Variants in INSR observed in about 807,000 individuals in gnomAD.
INSR encodes the protein IR.
INSR carries 67 observed loss-of-function variants against 142.6 expected under a neutral mutation model. The observed-to-expected ratio is 0.47, with a 90% CI of 0.39 to 0.58. INSR has a LOEUF of 0.58. INSR is among the 20% of genes least tolerant of loss of function. The pLI is 0.00. For missense variants in INSR, 1,248 were observed against 1,833.2 expected, an observed-to-expected ratio of 0.68 and a Z score of 5.83; for synonymous variants, 756 against 743.1, an observed-to-expected ratio of 1.02 and a Z score of -0.28.
At chr19:7,140,484 G>A (rs1973042056) in intron 13 of INSR, among the ~76,000 whole-genome samples, 1 of 151,966 alleles carries the variant, frequency 6.6e-6, no homozygotes, top group Non-Finnish European at 1.5e-5. Flanking sequence ...AGACCTTTAT[G>A]GTAAAAAAAA....
rs1208730008 is a variant in INSR at position 7,166,081 on chromosome 19, C to T, written c.1861+73G>A. The T allele has an allele frequency of 1.3e-6, 2 of 1,558,230 alleles. No homozygotes were observed. The highest frequency in any genetic ancestry group is 2.7e-5 in the African/African-American group (2 of 73,260). On this transcript the variant is annotated intron_variant, in intron 8 of 21. Coordinates refer to ENST00000302850, the MANE Select transcript of INSR (RefSeq NM_000208.4). This position sits in a 1 kb window ranked among gnomAD's most constrained non-coding sequence, Gnocchi z 4.1. ...CCATATCAAGGAGCATTTTATACAA[C>T]CTCACTGCATCAGCCTATTAAAAGC...
At chr19:7,231,826 A>G (rs2145128378) in intron 2 of INSR, among the ~76,000 whole-genome samples, 1 of 148,696 alleles carries the variant, frequency 6.7e-6, no homozygotes, top group South Asian at 2.1e-4. Flanking sequence ...TGCCCAGGCT[A>G]TTCTTGAACT....
chr19:7,206,021 G>A (rs1182357238), intron 2 of INSR, among the ~76,000 whole-genome samples: 1 of 152,164 alleles, frequency 6.6e-6, no homozygotes, highest in African/African-American at 2.4e-5. Context: ...TGCTTTCTGT[G>A]CCTCGGTTTC....
chr19:7,195,927 CTTT>C (rs76192685), intron 2 of INSR, among the ~76,000 whole-genome samples: 16,680 of 99,820 alleles, frequency 0.17, 1,093 homozygotes, highest in African/African-American at 0.31. Flanking sequence ...TCTTTCTTTT[CTTT>C]CTTTTTTTTT....
chr19:7,154,586 G>A lies in INSR; in HGVS notation c.2030-1659C>T, dbSNP rs145458763. Among the ~76,000 whole-genome samples, 29 of 150,886 alleles carry A rather than the reference G, an allele frequency of 1.9e-4. No homozygotes were observed. The East Asian group carries it at 5.7e-3, about 29-fold the overall frequency. ...CAAAGTGCTGGGATTACAGGCGTGA[G>A]CCACTGCACCCGGCCCACAATTACT... On this transcript the variant is annotated intron_variant, in intron 9 of 21. Transcript: ENST00000302850.
In INSR at chr19:7,174,624, G is replaced by C; in HGVS notation, c.1082C>G (p.Thr361Ser). The change falls in exon 4 of 22, where the codon ACC (threonine) becomes AGC (serine). Residue 361 changes from threonine (T) to serine (S), a missense_variant. By Grantham distance (58) the Thr-to-Ser change is moderately conservative (BLOSUM62 1). This residue lies in a region of INSR where 1,069 missense variants were observed against 1,654.0 expected (regional missense o/e 0.65). Transcript: ENST00000302850. ...VTSAQELRGC[T>S]VINGSLIINI... is the part of the protein sequence containing the mutation. ...GATGATCAGACTCCCGTTGATGACG[G>C]TGCATCCTCGGAGCTCCTGGGCAGA... The C allele has an allele frequency of 6.2e-7, 1 of 1,614,032 alleles. No individual in the cohort carries two copies. The highest frequency in any genetic ancestry group is 8.5e-7 in the Non-Finnish European group (1 of 1,179,998).
At chr19:7,193,744 C>T (rs1362445797) in intron 2 of INSR, among the ~76,000 whole-genome samples, 1 of 152,074 alleles carries the variant, frequency 6.6e-6, no homozygotes, top group Non-Finnish European at 1.5e-5. Flanking sequence ...GGCTGGAGTG[C>T]AGTGGCATGA....
intron 1 of INSR, among the ~76,000 whole-genome samples, chr19:7,275,110 G>T (rs1348397058): frequency 6.6e-6 from 1 of 151,918 alleles, no homozygotes; most frequent in East Asian, 2.0e-4. Flanking sequence ...CGAGTAGTTG[G>T]TATTACAGGC....
intron 2 of INSR, among the ~76,000 whole-genome samples, chr19:7,260,728 C>G (rs1977031198): frequency 6.6e-6 from 1 of 151,984 alleles, no homozygotes; most frequent in Admixed American, 6.6e-5. Context: ...TCCCCCTGCA[C>G]CATCTCATTC....
At chr19:7,149,987 A>AG (rs1973292977) in intron 11 of INSR, among the ~76,000 whole-genome samples, 5 of 132,260 alleles carry the variant, frequency 3.8e-5, no homozygotes, top group South Asian at 5.0e-4. Context: ...GAAGGAAGGA[A>AG]GAGATCCCTG....
chr19:7,257,267 T>G (rs1192986731), intron 2 of INSR, among the ~76,000 whole-genome samples: 1 of 152,092 alleles, frequency 6.6e-6, no homozygotes, highest in Non-Finnish European at 1.5e-5. Context: ...CTTTTTCTTT[T>G]TGTTGGATCC....
At chr19:7,251,563 CA>C (rs775403610) in intron 2 of INSR, among the ~76,000 whole-genome samples, 3 of 145,300 alleles carry the variant, frequency 2.1e-5, no homozygotes, top group Non-Finnish European at 4.6e-5. Context: ...GCCCGGCCAT[CA>C]ATTTTTTTTT....
At chr19:7,129,387 C>T (rs905242521) in intron 14 of INSR, among the ~76,000 whole-genome samples, 15 of 152,166 alleles carry the variant, frequency 9.9e-5, no homozygotes, top group African/African-American at 3.4e-4. Flanking sequence ...TTCAGTGGCA[C>T]GATCTCGGCT....
At chr19:7,228,393 A>G (rs1172316953) in intron 2 of INSR, among the ~76,000 whole-genome samples, 3 of 152,212 alleles carry the variant, frequency 2.0e-5, no homozygotes, top group Non-Finnish European at 4.4e-5. Context: ...TTTCATGATC[A>G]CACCCCATTT....
At chr19:7,158,345 C>CA (rs529520012) in intron 9 of INSR, among the ~76,000 whole-genome samples, 2 of 151,720 alleles carry the variant, frequency 1.3e-5, no homozygotes, top group East Asian at 1.9e-4. Flanking sequence ...CTAAAAAATA[C>CA]AAAAAATTAG....
At chr19:7,264,320 G>A (rs577740193) in intron 2 of INSR, among the ~76,000 whole-genome samples, 16 of 152,170 alleles carry the variant, frequency 1.1e-4, no homozygotes, top group South Asian at 1.0e-3. Flanking sequence ...GTGACAGAAC[G>A]AGACTCTGTC....
chr19:7,215,086 G>T (rs1452588566), intron 2 of INSR, among the ~76,000 whole-genome samples: 2 of 151,934 alleles, frequency 1.3e-5, no homozygotes, highest in African/African-American at 2.4e-5. Flanking sequence ...CTCCCGAGTA[G>T]CTGGGGCTAC....
rs776512944 is a variant in INSR at position 7,267,162 on chromosome 19, G to T, written c.652+183C>A. 1.3e-5 allele frequency among the ~76,000 whole-genome samples: 2 copies of T among 152,108 alleles called. No individual in the cohort carries two copies. The highest frequency in any genetic ancestry group is 4.8e-5 in the African/African-American group (2 of 41,414). ...AGAGACCATATGGCCTGCAAAATCTGAAGTATCTACTATCTGAGTCTTTAC... is the reference window on the plus strand; with the variant it reads ...AGAGACCATATGGCCTGCAAAATCTTAAGTATCTACTATCTGAGTCTTTAC... On this transcript the variant is annotated intron_variant, in intron 2 of 21. Coordinates refer to ENST00000302850, the MANE Select transcript of INSR (RefSeq NM_000208.4). This position sits in a 1 kb window ranked among gnomAD's most constrained non-coding sequence, Gnocchi z 6.3.
intron 2 of INSR, among the ~76,000 whole-genome samples, chr19:7,250,455 A>G (rs1158165850): frequency 4.7e-5 from 4 of 85,314 alleles, no homozygotes; most frequent in African/African-American, 1.3e-4. Context: ...GAAGAAAGAA[A>G]AGGAAGAAAA....
Sources: allele counts gnomAD v4.1 joint callset (sites outside exome capture counted in the v4.1 genomes callset), GRCh38; gene constraint gnomAD v4.1.1; regional missense constraint gnomAD v4.1.1; non-coding constraint Gnocchi (gnomAD v3.1); transcripts MANE v1.5; gene names NCBI Gene and HGNC (gene_info 2026-07-23, HGNC 2026-07-21).